The following PCNX1 variants were observed in gnomAD, a reference collection of about 807,000 sequenced individuals.
PCNX1 encodes pecanex 1, also known as pecanex-like protein 1.
A neutral mutation model predicts 242.2 loss-of-function variants in PCNX1; 78 were observed. The ratio of observed to expected loss-of-function variants is 0.32; its 90% confidence interval spans 0.27 to 0.39. The LOEUF (loss-of-function observed/expected upper bound fraction) is 0.39, where lower values mean the gene tolerates loss of function less well. PCNX1 is among the 10% of genes least tolerant of loss of function. The pLI is 1.00. For synonymous variants in PCNX1, 1,024 were observed against 1,032.9 expected, an observed-to-expected ratio of 0.99 and a Z score of 0.17; for missense variants, 2,581 against 2,856.5, an observed-to-expected ratio of 0.90 and a Z score of 2.20.
intron 1 of PCNX1, among the ~76,000 whole-genome samples, chr14:70,923,379 T>C (rs1197673323): frequency 1.3e-5 from 2 of 152,208 alleles, no homozygotes; most frequent in Non-Finnish European, 2.9e-5. Flanking sequence ...AAATTCATGT[T>C]TTTGTCTAAT....
At chr14:70,969,155 C>A (rs1445782630) in intron 5 of PCNX1, 45 bp downstream of exon 5, 2 of 1,116,314 alleles carry the variant, frequency 1.8e-6, no homozygotes, top group Admixed American at 3.5e-5. Context: ...CTGTGGTGAC[C>A]AGAGTTAATT....
chr14:71,059,738 C>G (rs888317851), intron 26 of PCNX1, among the ~76,000 whole-genome samples: 1 of 152,102 alleles, frequency 6.6e-6, no homozygotes, highest in Non-Finnish European at 1.5e-5. Flanking sequence ...CGCACGCTTA[C>G]AATTTTTCAG....
chr14:70,949,850 T>A (rs896570855), intron 2 of PCNX1, among the ~76,000 whole-genome samples: 1 of 152,184 alleles, frequency 6.6e-6, no homozygotes, highest in Non-Finnish European at 1.5e-5. Context: ...CTTGGAAAAT[T>A]TGTGAACACT....
intron 1 of PCNX1, among the ~76,000 whole-genome samples, chr14:70,935,936 G>C (rs560244097): frequency 1.8e-4 from 28 of 152,138 alleles, no homozygotes; most frequent in Non-Finnish European, 4.0e-4. Context: ...CAGTATTTCA[G>C]ATGGAAACCA....
At chr14:70,961,137 A>C (rs2058196534) in intron 2 of PCNX1, among the ~76,000 whole-genome samples, 1 of 152,184 alleles carries the variant, frequency 6.6e-6, no homozygotes, top group African/African-American at 2.4e-5. Context: ...CCTACCAATG[A>C]CTTTCTTCAC....
intron 24 of PCNX1, 130 bp from the exon 25 acceptor site, chr14:71,055,374 A>AT (rs1028875043): frequency 2.5e-5 from 15 of 598,180 alleles, no homozygotes; most frequent in Admixed American, 2.0e-4. Context: ...CTAATCACAG[A>AT]TTTTTTCCAG....
Position 70,995,867 on chromosome 14 carries a change from A to C in PCNX1, c.2571A>C (p.Leu857Phe). Reference sequence around the variant, plus strand: ...TGGTGAGAAATGGGAGTGTCCACTTAGAAGCATCACATGACAATGCATCTG... The same window carrying C: ...TGGTGAGAAATGGGAGTGTCCACTTCGAAGCATCACATGACAATGCATCTG... ...SLLVRNGSVH[L>F]EASHDNASAV... The change falls in exon 8 of 36, where the codon TTA becomes TTC. Residue 857 changes from leucine to phenylalanine, a missense_variant. Transcript: ENST00000304743. The C allele has an allele frequency of 6.2e-7, 1 of 1,614,126 alleles. No individual in the cohort carries two copies. Among genetic ancestry groups the C allele is most frequent in the Non-Finnish European group, 8.5e-7 (1 of 1,179,984 alleles).
chr14:70,927,189 A>T (rs959957986), intron 1 of PCNX1, among the ~76,000 whole-genome samples: 1 of 152,224 alleles, frequency 6.6e-6, no homozygotes, highest in African/African-American at 2.4e-5. Context: ...TTCCGTATTA[A>T]CATTCCTTAG....
intron 1 of PCNX1, among the ~76,000 whole-genome samples, chr14:70,932,318 A>C (rs2056832549): frequency 6.6e-6 from 1 of 152,184 alleles, no homozygotes; most frequent in South Asian, 2.1e-4. Flanking sequence ...ATTTTGAGGA[A>C]AAACATCTAG....
intron 8 of PCNX1, among the ~76,000 whole-genome samples, chr14:70,999,881 C>G (rs541741131): frequency 2.0e-5 from 3 of 152,128 alleles, no homozygotes; most frequent in South Asian, 4.1e-4. Flanking sequence ...ATATACTACT[C>G]TAGCATTTTG....
At chr14:71,010,578 A>C (rs2059796093) in intron 9 of PCNX1, among the ~76,000 whole-genome samples, 2 of 152,218 alleles carry the variant, frequency 1.3e-5, no homozygotes, top group Middle Eastern at 6.8e-3. Context: ...AGAAATCTTG[A>C]TCATATAACA....
chr14:71,083,857 G>T (rs2061917423), intron 28 of PCNX1, among the ~76,000 whole-genome samples: 1 of 152,090 alleles, frequency 6.6e-6, no homozygotes, highest in Non-Finnish European at 1.5e-5. Context: ...CTGTCAATTT[G>T]TCAAACTCAT....
chr14:71,018,766 A>G (rs927769049), intron 11 of PCNX1, among the ~76,000 whole-genome samples: 4 of 152,210 alleles, frequency 2.6e-5, no homozygotes, highest in African/African-American at 9.6e-5. Context: ...ATTTAAAACT[A>G]TATTATGTAA....
At chr14:71,071,579 A>T (rs1001402306) in intron 26 of PCNX1, among the ~76,000 whole-genome samples, 15 of 152,072 alleles carry the variant, frequency 9.9e-5, no homozygotes, top group African/African-American at 3.6e-4. Context: ...CTTCTGCTCC[A>T]GCATGTAAAA....
intron 8 of PCNX1, among the ~76,000 whole-genome samples, chr14:71,007,569 C>T (rs1003510669): frequency 6.6e-6 from 1 of 152,054 alleles, no homozygotes; most frequent in Non-Finnish European, 1.5e-5. Context: ...TAACCAAGCC[C>T]TCTTTGCTCT....
At chr14:71,009,777 T>G in intron 9 of PCNX1, 53 bp downstream of exon 9, 1 of 1,078,106 alleles carries the variant, frequency 9.3e-7, no homozygotes, top group Non-Finnish European at 1.4e-6. Context: ...TTTGCCATAT[T>G]TAATGTTTTT....
At chr14:70,952,690 C>T (rs1189782092) in intron 2 of PCNX1, among the ~76,000 whole-genome samples, 1 of 151,956 alleles carries the variant, frequency 6.6e-6, no homozygotes, top group East Asian at 1.9e-4. Context: ...TAAGAATAGA[C>T]CATAGTCTAT....
rs145823804 is a variant in PCNX1 at position 71,082,637 on chromosome 14, A to G, written c.5338-5693A>G. Among the ~76,000 whole-genome samples, 350 of 152,058 alleles carry G rather than the reference A, an allele frequency of 2.3e-3. 2 individuals are homozygous for G. Among genetic ancestry groups the G allele is most frequent in the African/African-American group, 8.1e-3 (337 of 41,460 alleles). On this transcript the variant is annotated intron_variant, in intron 28 of 35. Coordinates refer to ENST00000304743, the MANE Select transcript of PCNX1 (RefSeq NM_014982.3). ...TGTCTTTTTTGATCTTTGTTGGTTT[A>G]AAGTCTGTTTTATCAGAGACTAGGA...
intron 8 of PCNX1, among the ~76,000 whole-genome samples, chr14:70,999,962 T>C (rs2059454978): frequency 6.6e-6 from 1 of 152,164 alleles, no homozygotes; most frequent in South Asian, 2.1e-4. Flanking sequence ...AGAGTTAATA[T>C]GTCAGTTCCT....
Sources: gnomAD v4.1 joint callset for allele counts (sites outside exome capture counted in the v4.1 genomes callset) on GRCh38, gnomAD v4.1.1 for gene constraint, MANE v1.5 for transcripts, NCBI Gene and HGNC (gene_info 2026-07-23, HGNC 2026-07-21) for gene names.